Variants in HLCS observed in about 807,000 individuals in gnomAD.
HLCS encodes the protein biotin--protein ligase.
In HLCS, 53 loss-of-function variants were observed where a neutral mutation model predicts 75.0. The observed-to-expected ratio is 0.71, with a 90% CI of 0.57 to 0.89. The LOEUF is 0.89. Ranked by LOEUF, HLCS falls within the 40% of genes least tolerant of loss-of-function variation. The probability of loss-of-function intolerance (pLI) is 0.00; values close to 1 mark genes in which losing one functional copy is unlikely to be tolerated. For synonymous variants in HLCS, 431 were observed against 428.6 expected (o/e 1.01, Z -0.07); for missense variants, 966 against 1,074.0 (o/e 0.90, Z 1.41).
At chr21:36,982,634 C>T (rs543436306) in intron 1 of HLCS, among the ~76,000 whole-genome samples, 6 of 152,322 alleles carry the variant, frequency 3.9e-5, no homozygotes, top group Non-Finnish European at 7.3e-5. Flanking sequence ...AGGCAATGAT[C>T]CAGCTAATTA....
intron 2 of HLCS, among the ~76,000 whole-genome samples, chr21:36,943,048 C>T (rs896132085): frequency 1.8e-4 from 28 of 152,252 alleles, no homozygotes; most frequent in African/African-American, 6.5e-4. Flanking sequence ...AAGTCATACC[C>T]ACTAGGATGG....
intron 6 of HLCS, among the ~76,000 whole-genome samples, chr21:36,826,846 A>G (rs1349268162): frequency 6.6e-6 from 1 of 152,252 alleles, no homozygotes; most frequent in Non-Finnish European, 1.5e-5. Flanking sequence ...AAAAGTTTAC[A>G]TGGTGAATAC....
At chr21:36,923,616 C>G (rs2066272500) in intron 5 of HLCS, among the ~76,000 whole-genome samples, 1 of 152,084 alleles carries the variant, frequency 6.6e-6, no homozygotes, top group Non-Finnish European at 1.5e-5. Flanking sequence ...ATCTCTGCCC[C>G]GGGTATTTAC....
intron 5 of HLCS, among the ~76,000 whole-genome samples, chr21:36,910,661 T>C (rs1025137796): frequency 6.5e-4 from 99 of 152,136 alleles, no homozygotes; most frequent in African/African-American, 2.2e-3. Flanking sequence ...AGCGTGCCAG[T>C]ACCAAGCAAA....
intron 1 of HLCS, among the ~76,000 whole-genome samples, chr21:36,987,267 G>T (rs1267974723): frequency 6.6e-6 from 1 of 152,050 alleles, no homozygotes; most frequent in Non-Finnish European, 1.5e-5. Flanking sequence ...TACTTGGGTG[G>T]CCCTGCTCCC....
At position 36,966,441 on chromosome 21, in the gene HLCS, C is replaced by T; in HGVS notation, c.195+3G>A. 4 of 962,062 alleles carry T rather than the reference C, an allele frequency of 4.2e-6. No individual in the cohort carries two copies. The highest frequency in any genetic ancestry group is 4.8e-5 in the South Asian group (1 of 20,836). The allele number at this position is 962,062 out of a possible 1,614,324, so 59.6% of individuals were successfully genotyped here. ...GGGTCGCCCGCCCGCCCGACCCGCCCACCTGGCTGTCGCTGACGCAGAAGA... is the reference window on the plus strand; with the variant it reads ...GGGTCGCCCGCCCGCCCGACCCGCCTACCTGGCTGTCGCTGACGCAGAAGA... On this transcript the variant is annotated splice_donor_region_variant and intron_variant, in intron 1 of 10. Transcript: ENST00000674895.
At chr21:36,966,367 C>T in intron 1 of HLCS, 77 bp downstream of exon 1, 8 of 670,140 alleles carry the variant, frequency 1.2e-5, no homozygotes, top group Non-Finnish European at 1.5e-5. Context: ...CCCGGGCTCC[C>T]GGCGGGGACG....
chr21:36,779,049 G>A (rs1043741306), intron 6 of HLCS, among the ~76,000 whole-genome samples: 2 of 151,812 alleles, frequency 1.3e-5, no homozygotes, highest in Non-Finnish European at 2.9e-5. Flanking sequence ...TGTGTGTCTA[G>A]GGTGTATATA....
At chr21:36,873,085 G>A in intron 6 of HLCS, among the ~76,000 whole-genome samples, 1 of 151,942 alleles carries the variant, frequency 6.6e-6, no homozygotes. Context: ...ATATTGTTAA[G>A]GATTATTACA....
intron 6 of HLCS, among the ~76,000 whole-genome samples, chr21:36,767,931 G>A (rs2090098122): frequency 1.3e-5 from 2 of 152,114 alleles, no homozygotes; most frequent in South Asian, 4.1e-4. Flanking sequence ...TTTCCTTTGG[G>A]GGATAGGTAG....
At chr21:36,983,556 G>A (rs1359793076) in intron 1 of HLCS, among the ~76,000 whole-genome samples, 1 of 151,422 alleles carries the variant, frequency 6.6e-6, no homozygotes, top group Non-Finnish European at 1.5e-5. Flanking sequence ...TGATTTTTTT[G>A]GCCGGGCGCA....
intron 2 of HLCS, among the ~76,000 whole-genome samples, chr21:36,961,742 T>C (rs984651776): frequency 1.3e-5 from 2 of 151,862 alleles, no homozygotes; most frequent in Non-Finnish European, 2.9e-5. Flanking sequence ...TCACTTGAGG[T>C]CAGGAGTTCA....
chr21:36,918,105 G>A (rs1411118240), intron 5 of HLCS, among the ~76,000 whole-genome samples: 1 of 152,106 alleles, frequency 6.6e-6, no homozygotes, highest in East Asian at 1.9e-4. Flanking sequence ...AAATATTCAA[G>A]GAGCACAGAT....
chr21:36,885,033 A>C (rs1193123394), intron 6 of HLCS, among the ~76,000 whole-genome samples: 1 of 152,236 alleles, frequency 6.6e-6, no homozygotes, highest in African/African-American at 2.4e-5. Context: ...GGTTCAATGA[A>C]AAAGAGACTT....
At chr21:36,868,654 G>C (rs142379365) in intron 6 of HLCS, among the ~76,000 whole-genome samples, 2 of 151,442 alleles carry the variant, frequency 1.3e-5, no homozygotes, top group East Asian at 3.9e-4. Flanking sequence ...AATAAAAATA[G>C]TCATAAAAAA....
intron 1 of HLCS, among the ~76,000 whole-genome samples, chr21:36,988,382 C>A (rs968570436): frequency 3.9e-5 from 6 of 152,186 alleles, no homozygotes; most frequent in African/African-American, 1.4e-4. Context: ...CACATCAGTT[C>A]AGAGACCTTC....
intron 6 of HLCS, among the ~76,000 whole-genome samples, chr21:36,834,727 T>C (rs1316846637): frequency 6.6e-6 from 1 of 152,180 alleles, no homozygotes; most frequent in Admixed American, 6.5e-5. Context: ...AGCTAATTTT[T>C]GTATTTTTAG....
intron 6 of HLCS, among the ~76,000 whole-genome samples, chr21:36,846,444 A>C (rs1197287446): frequency 6.6e-6 from 1 of 152,114 alleles, no homozygotes; most frequent in East Asian, 1.9e-4. Context: ...GTTTCCAACC[A>C]GGCAGGGCAG....
chr21:36,899,989 C>T (rs892306941), intron 5 of HLCS, among the ~76,000 whole-genome samples: 1 of 151,772 alleles, frequency 6.6e-6, no homozygotes, highest in Non-Finnish European at 1.5e-5. Context: ...CCTGTAATCC[C>T]GGCTACTTGG....
Sources: gnomAD v4.1 joint callset for allele counts (sites outside exome capture counted in the v4.1 genomes callset) on GRCh38, gnomAD v4.1.1 for gene constraint, MANE v1.5 for transcripts, NCBI Gene and HGNC (gene_info 2026-07-23, HGNC 2026-07-21) for gene names.